The following DYNC1I1 variants were observed in gnomAD, a reference collection of about 807,000 sequenced individuals.
DYNC1I1 encodes the protein cytoplasmic dynein 1 intermediate chain 1.
In DYNC1I1, 43 loss-of-function variants were observed where a neutral mutation model predicts 86.6. The observed-to-expected ratio is 0.50, with a 90% CI of 0.39 to 0.64. DYNC1I1 has a LOEUF of 0.64. Among genes scored for constraint, DYNC1I1 ranks in the 30% least tolerant of loss-of-function variants. The probability of loss-of-function intolerance (pLI) is 0.00; values close to 1 mark genes in which losing one functional copy is unlikely to be tolerated. For synonymous variants in DYNC1I1, 262 were observed against 283.7 expected, an observed-to-expected ratio of 0.92 and a Z score of 0.77; for missense variants, 604 against 788.8, an observed-to-expected ratio of 0.77 and a Z score of 2.81.
At chr7:95,983,876 G>C (rs894515909) in intron 7 of DYNC1I1, among the ~76,000 whole-genome samples, 13 of 152,234 alleles carry the variant, frequency 8.5e-5, no homozygotes, top group South Asian at 4.2e-4. Context: ...CCAATGAAAG[G>C]TTTATTGTAG....
rs148466222 is a variant in DYNC1I1 at position 96,060,598 on chromosome 7, C to T, written c.1510-15459C>T. Among the ~76,000 whole-genome samples the T allele has an allele frequency of 5.6e-3, 855 of 152,210 alleles. 6 individuals are homozygous for T. The highest frequency in any genetic ancestry group is 0.011 in the Admixed American group (171 of 15,282). ...GTCCAAACCCATAGAATGTACCATA[C>T]CAAGTGTGAACCCTGATGTGAACTA... On this transcript the variant is annotated intron_variant, in intron 14 of 16. Coordinates refer to ENST00000447467, the MANE Select transcript of DYNC1I1 (RefSeq NM_001135556.2).
At chr7:95,915,639 C>T (rs993687953) in intron 6 of DYNC1I1, among the ~76,000 whole-genome samples, 2 of 152,048 alleles carry the variant, frequency 1.3e-5, no homozygotes, top group Non-Finnish European at 2.9e-5. Context: ...TTCAGTGCTA[C>T]TGTCTACAGG....
At chr7:96,083,267 T>C (rs750865753) in intron 16 of DYNC1I1, among the ~76,000 whole-genome samples, 1 of 152,116 alleles carries the variant, frequency 6.6e-6, no homozygotes, top group Non-Finnish European at 1.5e-5. Context: ...ACAAAATAAT[T>C]GCCTTAACTG....
intron 10 of DYNC1I1, among the ~76,000 whole-genome samples, chr7:96,020,058 C>A (rs1283614780): frequency 1.3e-5 from 2 of 150,252 alleles, no homozygotes; most frequent in South Asian, 4.2e-4. Flanking sequence ...GGCTTAGATA[C>A]CTCATATCCA....
chr7:96,074,550 C>CAAA (rs61571160), intron 14 of DYNC1I1, among the ~76,000 whole-genome samples: 20 of 66,902 alleles, frequency 3.0e-4, no homozygotes, highest in African/African-American at 4.7e-4. Context: ...GACTCCGTCT[C>CAAA]AAAAAAAAAA....
At chr7:95,877,893 G>C (rs1790350108) in intron 6 of DYNC1I1, among the ~76,000 whole-genome samples, 1 of 152,210 alleles carries the variant, frequency 6.6e-6, no homozygotes, top group South Asian at 2.1e-4. Flanking sequence ...CAGTTGAAGT[G>C]ATCAGAGAAA....
chr7:95,827,930 G>A (rs1257455628), intron 4 of DYNC1I1, 127 bp from the exon 5 acceptor site: 2 of 815,616 alleles, frequency 2.5e-6, no homozygotes, highest in African/African-American at 3.3e-5. Flanking sequence ...GGGGATGGAA[G>A]GGGGACATGT....
intron 16 of DYNC1I1, among the ~76,000 whole-genome samples, chr7:96,093,664 A>G (rs1790914314): frequency 6.6e-6 from 1 of 152,198 alleles, no homozygotes. Context: ...TATCTGAGTC[A>G]TCCCTAACCT....
intron 6 of DYNC1I1, among the ~76,000 whole-genome samples, chr7:95,905,887 A>T (rs957402636): frequency 5.3e-5 from 8 of 152,048 alleles, no homozygotes; most frequent in African/African-American, 1.9e-4. Flanking sequence ...ATAGTCATTC[A>T]TTTCAATATT....
intron 5 of DYNC1I1, among the ~76,000 whole-genome samples, chr7:95,847,489 G>C (rs1198678152): frequency 6.6e-6 from 1 of 152,154 alleles, no homozygotes; most frequent in Non-Finnish European, 1.5e-5. Context: ...TCATTTGTCA[G>C]AGAAGGGTTT....
At chr7:96,106,011 A>G (rs1253761759) in intron 16 of DYNC1I1, among the ~76,000 whole-genome samples, 9 of 152,072 alleles carry the variant, frequency 5.9e-5, no homozygotes, top group African/African-American at 1.2e-4. Flanking sequence ...TAAGTTCCTG[A>G]TGTTGCTAAA....
intron 6 of DYNC1I1, among the ~76,000 whole-genome samples, chr7:95,924,957 T>G (rs1266383995): frequency 3.9e-5 from 6 of 152,316 alleles, no homozygotes; most frequent in Admixed American, 3.9e-4. Context: ...AGGACAGCCC[T>G]CTGATCTCTC....
chr7:95,959,420 G>A (rs1792804074), intron 6 of DYNC1I1, among the ~76,000 whole-genome samples: 1 of 152,162 alleles, frequency 6.6e-6, no homozygotes, highest in Non-Finnish European at 1.5e-5. Context: ...AGTAGGTTAA[G>A]GAGGAGAACG....
intron 13 of DYNC1I1, among the ~76,000 whole-genome samples, chr7:96,037,888 G>T (rs1394749723): frequency 6.6e-6 from 1 of 152,118 alleles, no homozygotes; most frequent in Non-Finnish European, 1.5e-5. Flanking sequence ...CATTCTAAAT[G>T]GGTCATATAG....
chr7:96,081,611 A>G (rs1450572012), intron 16 of DYNC1I1, among the ~76,000 whole-genome samples: 1 of 152,178 alleles, frequency 6.6e-6, no homozygotes, highest in South Asian at 2.1e-4. Context: ...GGGGGAAAAT[A>G]TACCACATTT....
At chr7:96,095,561 C>T (rs1298275867) in intron 16 of DYNC1I1, among the ~76,000 whole-genome samples, 3 of 151,918 alleles carry the variant, frequency 2.0e-5, no homozygotes, top group Non-Finnish European at 4.4e-5. Flanking sequence ...AGTTATGGGG[C>T]ATTTTAGCTT....
At position 95,808,094 on chromosome 7, in the gene DYNC1I1, T is replaced by C. The variant is rs536643535; in HGVS notation, c.109-2298T>C. Reference sequence around the variant, plus strand: ...AGCATCTGGTGTTCTATTCTGCAAATTTCTTTGGAAACTTCTGATCCTGAA... The same window carrying C: ...AGCATCTGGTGTTCTATTCTGCAAACTTCTTTGGAAACTTCTGATCCTGAA... On this transcript the variant is annotated intron_variant, in intron 2 of 16. Transcript: ENST00000447467. Among the ~76,000 whole-genome samples, 9 of 152,240 alleles carry C rather than the reference T, an allele frequency of 5.9e-5. 1 individual carries two copies. The highest frequency in any genetic ancestry group is 2.2e-4 in the African/African-American group (9 of 41,562).
intron 6 of DYNC1I1, among the ~76,000 whole-genome samples, chr7:95,955,469 C>CTAATTTT (rs1428935470): frequency 6.6e-6 from 1 of 152,052 alleles, no homozygotes; most frequent in East Asian, 1.9e-4. Context: ...ACACACTTAG[C>CTAATTTT]TGATTTTTAA....
intron 6 of DYNC1I1, among the ~76,000 whole-genome samples, chr7:95,944,524 G>A (rs1414107464): frequency 6.6e-6 from 1 of 152,148 alleles, no homozygotes; most frequent in Non-Finnish European, 1.5e-5. Flanking sequence ...CCATTACTGG[G>A]TATATACCCA....
Sources: gnomAD v4.1 joint callset for allele counts (sites outside exome capture counted in the v4.1 genomes callset) on GRCh38, gnomAD v4.1.1 for gene constraint, MANE v1.5 for transcripts, NCBI Gene and HGNC (gene_info 2026-07-23, HGNC 2026-07-21) for gene names.